Variants in RP1 observed in about 807,000 individuals in gnomAD.
The protein encoded by RP1 is oxygen-regulated protein 1.
RP1 carries 16 observed loss-of-function variants against 14.8 expected under a neutral mutation model. The ratio of observed to expected loss-of-function variants is 1.08; its 90% CI spans 0.73 to 1.65. The LOEUF is 1.65. Ranked by LOEUF, RP1 falls within the 40% of genes most tolerant of loss-of-function variation. The pLI, the probability that RP1 is intolerant of heterozygous loss-of-function variation, is 0.00. For missense variants in RP1, 2,631 were observed against 2,535.0 expected (o/e 1.04, Z -0.81); for synonymous variants, 876 against 883.6 (o/e 0.99, Z 0.15).
chr8:54,678,441 A>T, intron 8 of RP1: 1 of 1,527,068 alleles, frequency 6.5e-7, no homozygotes, highest in Non-Finnish European at 8.8e-7. Context: ...TCACATTTTC[A>T]TTCTTTAATT....
chr8:54,673,127 G>A (rs894402876), intron 7 of RP1, among the ~76,000 whole-genome samples: 11 of 152,140 alleles, frequency 7.2e-5, no homozygotes, highest in Non-Finnish European at 1.3e-4. Context: ...ATGTGTCAGA[G>A]GAGCTGAGCT....
At chr8:54,713,786 A>T (rs923443516) in intron 15 of RP1, among the ~76,000 whole-genome samples, 2 of 152,238 alleles carry the variant, frequency 1.3e-5, no homozygotes, top group African/African-American at 2.4e-5. Context: ...CAAAAAATTT[A>T]AAAAACTTGA....
downstream of RP1, among the ~76,000 whole-genome samples, chr8:54,633,229 G>T (rs1222899576): frequency 6.6e-6 from 1 of 152,094 alleles, no homozygotes; most frequent in Non-Finnish European, 1.5e-5. Flanking sequence ...AGGAGCAGAA[G>T]TTCAAAAGTA....
chr8:54,600,381 C>T (rs1805247531), intron 1 of RP1, among the ~76,000 whole-genome samples: 1 of 152,166 alleles, frequency 6.6e-6, no homozygotes, highest in East Asian at 1.9e-4. Flanking sequence ...GCTTTATTAG[C>T]AGCATGAGAA....
chr8:54,859,722 G>A (rs1758511836), intron 27 of RP1, among the ~76,000 whole-genome samples: 1 of 152,128 alleles, frequency 6.6e-6, no homozygotes, highest in African/African-American at 2.4e-5. Context: ...GCAGAGTGGT[G>A]TCACTGTAGA....
intron 1 of RP1, among the ~76,000 whole-genome samples, chr8:54,594,296 C>T (rs1459763124): frequency 4.0e-5 from 6 of 151,142 alleles, no homozygotes; most frequent in African/African-American, 1.5e-4. Flanking sequence ...TCTGAGAGAA[C>T]TTGGGACCAG....
intron 24 of RP1, among the ~76,000 whole-genome samples, chr8:54,795,029 A>C (rs1239908771): frequency 6.6e-6 from 1 of 152,106 alleles, no homozygotes; most frequent in Non-Finnish European, 1.5e-5. Flanking sequence ...GCAAATTGAA[A>C]CTGCAATGAG....
At chr8:54,707,776 A>G (rs528067740) in intron 15 of RP1, among the ~76,000 whole-genome samples, 1 of 152,296 alleles carries the variant, frequency 6.6e-6, no homozygotes, top group Non-Finnish European at 1.5e-5. Flanking sequence ...GGTGAGCTGC[A>G]CTGATGCTCA....
intron 6 of RP1, among the ~76,000 whole-genome samples, chr8:54,658,550 CA>C (rs755052184): frequency 8.4e-4 from 69 of 81,812 alleles, no homozygotes; most frequent in East Asian, 3.9e-3. Context: ...GACTCCGTCT[CA>C]AAAAAAAAAA....
chr8:54,624,473 A>G (rs974960430), intron 3 of RP1, among the ~76,000 whole-genome samples, 197 bp from the exon 4 acceptor site: 4 of 151,372 alleles, frequency 2.6e-5, no homozygotes, highest in Non-Finnish European at 1.5e-5. Context: ...AAAAAGAAAA[A>G]AAACAAAATA....
chr8:54,686,958 G>T (rs890724537), intron 12 of RP1, among the ~76,000 whole-genome samples: 1 of 152,000 alleles, frequency 6.6e-6, no homozygotes, highest in Non-Finnish European at 1.5e-5. Flanking sequence ...CTCTGTCCTA[G>T]ATTATCTCCG....
intron 1 of RP1, among the ~76,000 whole-genome samples, chr8:54,566,914 A>G (rs769923972): frequency 1.3e-5 from 2 of 152,196 alleles, no homozygotes; most frequent in African/African-American, 4.8e-5. Context: ...CCGAGGCCCA[A>G]GGTGCGCTGT....
At chr8:54,635,865 C>CATTAT (rs759153322) in intron 3 of RP1, among the ~76,000 whole-genome samples, 6 of 152,082 alleles carry the variant, frequency 3.9e-5, no homozygotes, top group African/African-American at 9.7e-5. Context: ...CACAAGAAAG[C>CATTAT]CTAAGGGATA....
At chr8:54,870,294 G>C (rs988188490) in exon 29 of RP1, 3 of 182,328 alleles carry the variant, frequency 1.6e-5, no homozygotes, top group African/African-American at 7.0e-5. Context: ...TACTGCTAAG[G>C]TTACTGAAAT....
intron 19 of RP1, among the ~76,000 whole-genome samples, chr8:54,746,305 C>T (rs1237669001): frequency 6.6e-6 from 1 of 152,170 alleles, no homozygotes; most frequent in Non-Finnish European, 1.5e-5. Flanking sequence ...TCATGATACT[C>T]TGGTACTTTG....
intron 1 of RP1, among the ~76,000 whole-genome samples, chr8:54,576,823 C>T (rs564109113): frequency 3.3e-5 from 5 of 152,224 alleles, no homozygotes; most frequent in African/African-American, 1.2e-4. Context: ...CACTGGCCAA[C>T]CAGAATATGT....
chr8:54,784,256 G>A (rs1054731909), intron 24 of RP1, among the ~76,000 whole-genome samples: 3 of 151,998 alleles, frequency 2.0e-5, no homozygotes, highest in Non-Finnish European at 4.4e-5. Context: ...TCTTTACTTC[G>A]TAGGGTTAGA....
rs768728647 is a variant in RP1, at chr8:54,625,125, C to G, written c.1243C>G (p.Gln415Glu). The change falls in exon 4 of 4, where the codon CAA becomes GAA. Residue 415 changes from glutamine to glutamate, a missense_variant. Physicochemically the swap from Gln to Glu is conservative, Grantham distance 29. Transcript: ENST00000220676. ...GGAGATAAACATTCAAATGACAGAT[C>G]AAGTGGCTGAAACTTGCAGTTCTGC... ...AEEINIQMTD[Q>E]VAETCSSASW... 5.0e-6 allele frequency: 8 copies of G among 1,614,152 alleles called. No homozygotes were observed. Among genetic ancestry groups the G allele is most frequent in the Non-Finnish European group, 6.8e-6 (8 of 1,180,032 alleles).
chr8:54,787,072 G>T (rs973600511), intron 24 of RP1, among the ~76,000 whole-genome samples: 7 of 152,158 alleles, frequency 4.6e-5, no homozygotes, highest in African/African-American at 1.7e-4. Flanking sequence ...CATAAAAGAA[G>T]AGGATTCTAG....
Sources: gnomAD v4.1 joint callset for allele counts (sites outside exome capture counted in the v4.1 genomes callset) on GRCh38, gnomAD v4.1.1 for gene constraint, MANE v1.5 for transcripts, NCBI Gene and HGNC (gene_info 2026-07-23, HGNC 2026-07-21) for gene names.